ABCC4: variants seen among roughly 807,000 people sequenced by gnomAD.
ABCC4 encodes the protein ATP-binding cassette sub-family C member 4.
A neutral mutation model predicts 168.5 loss-of-function variants in ABCC4; 102 were observed. The observed-to-expected ratio is 0.61, with a 90% CI of 0.52 to 0.71. The LOEUF (loss-of-function observed/expected upper bound fraction) is 0.71, where lower values mean the gene tolerates loss of function less well. ABCC4 is among the 30% of genes least tolerant of loss of function. ABCC4 has a pLI of 0.00. For synonymous variants in ABCC4, 617 were observed against 590.7 expected (o/e 1.04, Z -0.65); for missense variants, 1,402 against 1,605.8 (o/e 0.87, Z 2.17).
chr13:95,296,898 A>G (rs779640177), intron 1 of ABCC4, among the ~76,000 whole-genome samples: 34 of 152,162 alleles, frequency 2.2e-4, no homozygotes, highest in Non-Finnish European at 4.3e-4. Context: ...CTGTTTGGGG[A>G]AAAAATGGGG....
At chr13:95,028,970 A>T (rs2139207487) in intron 30 of ABCC4, among the ~76,000 whole-genome samples, 1 of 152,002 alleles carries the variant, frequency 6.6e-6, no homozygotes, top group East Asian at 1.9e-4. Context: ...GTTCAAGACC[A>T]GCCTGGCCAA....
intron 19 of ABCC4, among the ~76,000 whole-genome samples, chr13:95,157,175 T>C (rs2036896722): frequency 6.6e-6 from 1 of 151,878 alleles, no homozygotes; most frequent in South Asian, 2.1e-4. Flanking sequence ...GATGAATGTG[T>C]GTCCATTCTT....
At chr13:95,074,353 T>C (rs1333387904) in intron 22 of ABCC4, 29 bp from the exon 23 acceptor site, 30 of 1,547,712 alleles carry the variant, frequency 1.9e-5, no homozygotes, top group Non-Finnish European at 2.7e-5. Flanking sequence ...ATAAGCATGA[T>C]GAATAAGTAG....
chr13:95,170,975 A>C (rs116395615), intron 13 of ABCC4, among the ~76,000 whole-genome samples: 133 of 152,052 alleles, frequency 8.7e-4, no homozygotes, highest in African/African-American at 3.2e-3. Flanking sequence ...AGAAAGAAAG[A>C]TCGAGGTCAC....
intron 3 of ABCC4, among the ~76,000 whole-genome samples, chr13:95,236,428 T>A (rs16950824): frequency 0.013 from 1,908 of 152,304 alleles, 45 homozygotes; most frequent in African/African-American, 0.039. Flanking sequence ...TTTCTGTCCA[T>A]CTGAAGTGAG....
chr13:95,292,741 T>C (rs1315471609), intron 1 of ABCC4, among the ~76,000 whole-genome samples: 2 of 152,214 alleles, frequency 1.3e-5, no homozygotes, highest in African/African-American at 4.8e-5. Flanking sequence ...AACCCACTAA[T>C]TCTATGACAC....
chr13:95,203,337 T>C (rs2038684704), intron 8 of ABCC4, among the ~76,000 whole-genome samples: 1 of 7,948 alleles, frequency 1.3e-4, no homozygotes, highest in Admixed American at 1.9e-3. Flanking sequence ...CAGGAGGCTC[T>C]TTTTTTTTTT....
chr13:95,120,409 A>G (rs973786648), intron 19 of ABCC4, among the ~76,000 whole-genome samples: 1 of 151,876 alleles, frequency 6.6e-6, no homozygotes, highest in Admixed American at 6.6e-5. Context: ...TACTAAAACT[A>G]CAAAATACTT....
intron 25 of ABCC4, among the ~76,000 whole-genome samples, chr13:95,069,169 C>A (rs2033643999): frequency 6.6e-6 from 1 of 152,200 alleles, no homozygotes; most frequent in Non-Finnish European, 1.5e-5. Flanking sequence ...AAGTATCTAA[C>A]ACTGACACCC....
chr13:95,131,289 CA>C (rs1386123187), intron 19 of ABCC4, among the ~76,000 whole-genome samples: 1 of 152,118 alleles, frequency 6.6e-6, no homozygotes, highest in Non-Finnish European at 1.5e-5. Flanking sequence ...GGACGCACAA[CA>C]AAAACCCGCA....
In ABCC4 at chr13:95,028,674, C is replaced by T. The variant is rs141780374; in HGVS notation, c.3870+5931G>A. Among the ~76,000 whole-genome samples, 50 of 151,560 alleles carry T rather than the reference C, an allele frequency of 3.3e-4. 1 individual carries two copies. In the East Asian group the frequency reaches 9.1e-3, roughly 28 times the overall value. On this transcript the variant is annotated intron_variant, in intron 30 of 30. Coordinates refer to ENST00000645237, the MANE Select transcript of ABCC4 (RefSeq NM_005845.5). The stretch of plus-strand genomic sequence containing the variant: ...CACAAATGCATTCAAGAAGAAGCAA[C>T]GAGAAAAACCAAAAAACAAAGGTAA...
At chr13:95,117,987 T>C (rs1195963180) in intron 19 of ABCC4, among the ~76,000 whole-genome samples, 1 of 152,150 alleles carries the variant, frequency 6.6e-6, no homozygotes, top group Non-Finnish European at 1.5e-5. Context: ...ACCCTTTATC[T>C]TGACCATTTG....
At chr13:95,245,987 A>G (rs1266064491) in intron 3 of ABCC4, among the ~76,000 whole-genome samples, 1 of 151,198 alleles carries the variant, frequency 6.6e-6, no homozygotes, top group Non-Finnish European at 1.5e-5. Context: ...ACTTTAATGG[A>G]CCACTGACAT....
chr13:95,196,663 A>G (rs1207654768), intron 8 of ABCC4, among the ~76,000 whole-genome samples: 44 of 39,086 alleles, frequency 1.1e-3, no homozygotes, highest in East Asian at 3.6e-3. Flanking sequence ...GAAGGAAGGA[A>G]GGAAGGAAGG....
chr13:95,277,437 C>T (rs112112843), intron 1 of ABCC4, among the ~76,000 whole-genome samples: 1,829 of 152,076 alleles, frequency 0.012, 33 homozygotes, highest in African/African-American at 0.041. Context: ...AAAAATTAGC[C>T]GGGCATGGTG....
chr13:95,059,471 C>G (rs760206382), intron 26 of ABCC4, among the ~76,000 whole-genome samples: 15 of 152,182 alleles, frequency 9.9e-5, no homozygotes, highest in Non-Finnish European at 1.8e-4. Flanking sequence ...GGCTGAGAAC[C>G]AGTGTCGGCT....
At chr13:95,163,562 T>C in intron 17 of ABCC4, 48 bp downstream of exon 17, 1 of 1,518,388 alleles carries the variant, frequency 6.6e-7, no homozygotes, top group Non-Finnish European at 9.1e-7. Flanking sequence ...AAGCGAGTCT[T>C]CTTACTGATT....
Position 95,206,557 on chromosome 13 carries a change from G to C in ABCC4, c.1136C>G (p.Ala379Gly), listed in dbSNP as rs1212581617. Residue 379 changes from alanine (A) to glycine (G), a missense_variant, in exon 8 of 31, where the codon GCA becomes GGA. Physicochemically the swap from Ala to Gly is moderately conservative, Grantham distance 60 (BLOSUM62 0). Around this residue, in one of 3 missense-constraint regions of ABCC4, gnomAD observed 78 missense variants for 133.0 expected, o/e 0.59. Coordinates refer to ENST00000645237, the MANE Select transcript of ABCC4 (RefSeq NM_005845.5). ...FPSAIERVSE[A>G]IVSIRRIQTF... ...CTGGATTCTTCGGATGCTGACGATT[G>C]CCTCTGACACCCTCTCAATGGCTGA... 6.2e-7 allele frequency: 1 copy of C among 1,613,792 alleles called. No homozygotes were observed. The highest frequency in any genetic ancestry group is 8.5e-7 in the Non-Finnish European group (1 of 1,179,816).
intron 1 of ABCC4, among the ~76,000 whole-genome samples, chr13:95,272,920 A>T (rs1344580776): frequency 1.6e-5 from 2 of 121,708 alleles, no homozygotes; most frequent in African/African-American, 6.0e-5. Flanking sequence ...TAAAATAAAC[A>T]TGTGCTGGAC....
Sources: gnomAD v4.1 joint callset for allele counts (sites outside exome capture counted in the v4.1 genomes callset) on GRCh38, gnomAD v4.1.1 for gene constraint, gnomAD v4.1.1 regional missense constraint, MANE v1.5 for transcripts, NCBI Gene and HGNC (gene_info 2026-07-23, HGNC 2026-07-21) for gene names.